PTPRF: variants seen among roughly 807,000 people sequenced by gnomAD.
PTPRF encodes receptor-type tyrosine-protein phosphatase F.
A neutral mutation model predicts 201.8 loss-of-function variants in PTPRF; 59 were observed. That is an observed-to-expected ratio of 0.29 (90% CI 0.24 to 0.36). The LOEUF (loss-of-function observed/expected upper bound fraction) is 0.36, where lower values mean the gene tolerates loss of function less well. PTPRF is among the 10% of genes least tolerant of loss of function. PTPRF has a pLI of 1.00. For missense variants in PTPRF, 2,132 were observed against 2,690.5 expected (o/e 0.79, Z 4.59); for synonymous variants, 1,088 against 1,089.7 (o/e 1.00, Z 0.03).
chr1:43,618,313 C>T (rs564814945), intron 25 of PTPRF, among the ~76,000 whole-genome samples: 12 of 152,198 alleles, frequency 7.9e-5, no homozygotes, highest in African/African-American at 2.4e-4. Context: ...TTGACTGGAA[C>T]GTAAAATTTA....
At chr1:43,565,579 G>A (rs564803826) in intron 5 of PTPRF, among the ~76,000 whole-genome samples, 1 of 152,222 alleles carries the variant, frequency 6.6e-6, no homozygotes. Context: ...TTCTCCTTCC[G>A]TCCAGGGCAC....
At chr1:43,594,480 G>A (rs1261568505) in intron 11 of PTPRF, among the ~76,000 whole-genome samples, 2 of 151,926 alleles carry the variant, frequency 1.3e-5, no homozygotes, top group Non-Finnish European at 2.9e-5. Context: ...GGGACACAGG[G>A]TAGGCAGGAG....
At chr1:43,523,774 T>C (rs1440424350), upstream of PTPRF, among the ~76,000 whole-genome samples, 4 of 151,832 alleles carry the variant, frequency 2.6e-5, no homozygotes, top group Non-Finnish European at 1.5e-5. Flanking sequence ...GGGCCGGGCA[T>C]GGTGGCTCAC....
chr1:43,585,593 G>A (rs1648928366), intron 7 of PTPRF, among the ~76,000 whole-genome samples: 2 of 152,068 alleles, frequency 1.3e-5, no homozygotes, highest in Admixed American at 1.3e-4. Context: ...ATCTAGGAGG[G>A]AAAAAATAAA....
intron 6 of PTPRF, among the ~76,000 whole-genome samples, chr1:43,573,149 C>T (rs1033248128): frequency 8.5e-5 from 13 of 152,130 alleles, no homozygotes; most frequent in Non-Finnish European, 1.6e-4. Context: ...CCAAAACCAC[C>T]TCCTGGAGAA....
At chr1:43,569,485 G>T in intron 5 of PTPRF, 105 bp from the exon 6 acceptor site, 1 of 1,169,578 alleles carries the variant, frequency 8.6e-7, no homozygotes, top group Non-Finnish European at 1.2e-6. Flanking sequence ...GGGGAGGGGA[G>T]TCTTGAGGGC....
intron 23 of PTPRF, among the ~76,000 whole-genome samples, chr1:43,614,703 T>C (rs1657299569): frequency 6.6e-6 from 1 of 152,066 alleles, no homozygotes; most frequent in Admixed American, 6.5e-5. Context: ...ATACAAAAAT[T>C]AGCCAGCTGT....
chr1:43,614,139 C>T (rs1418239720), intron 23 of PTPRF, among the ~76,000 whole-genome samples: 2 of 152,224 alleles, frequency 1.3e-5, no homozygotes, highest in African/African-American at 4.8e-5. Context: ...TTTTGGTTCC[C>T]CCACAGTCTT....
rs1245162611 is a variant in PTPRF, at chr1:43,546,205, C to T, written c.91+1039C>T. On this transcript the variant is annotated intron_variant, in intron 3 of 33. Coordinates refer to ENST00000359947, the MANE Select transcript of PTPRF (RefSeq NM_002840.5). This position sits in a 1 kb window ranked among gnomAD's most constrained non-coding sequence, Gnocchi z 4.2. ...TTCTCCTAATGGCTCATTAATTATT[C>T]AGGAACTGATTCTGGAGTGGGGTGG... Among the ~76,000 whole-genome samples the T allele has an allele frequency of 6.6e-6, 1 of 152,160 alleles. No individual in the cohort carries two copies. The highest frequency in any genetic ancestry group is 1.5e-5 in the Non-Finnish European group (1 of 68,026).
rs1644680940 is a variant in PTPRF at position 43,546,464 on chromosome 1, G to A, written c.91+1298G>A. Among the ~76,000 whole-genome samples, 1 of 152,172 alleles carries A rather than the reference G, an allele frequency of 6.6e-6. No homozygotes were observed. Among genetic ancestry groups the A allele is most frequent in the Non-Finnish European group, 1.5e-5 (1 of 68,014 alleles). ...CTGGAACCTGCAGGGGCAGGTTGGA[G>A]TAGAAAGCCTTATCAGGTGTGACCC... On this transcript the variant is annotated intron_variant, in intron 3 of 33. Coordinates refer to ENST00000359947, the MANE Select transcript of PTPRF (RefSeq NM_002840.5). This position sits in a 1 kb window ranked among gnomAD's most constrained non-coding sequence, Gnocchi z 4.2.
intron 23 of PTPRF, among the ~76,000 whole-genome samples, chr1:43,615,712 G>A (rs953334560): frequency 2.6e-5 from 4 of 151,694 alleles, no homozygotes; most frequent in African/African-American, 9.7e-5. Context: ...GACTACAGGT[G>A]CCCGCTACCA....
intron 30 of PTPRF, 115 bp downstream of exon 30, chr1:43,620,336 A>G (rs1658904279): frequency 1.3e-6 from 2 of 1,539,258 alleles, no homozygotes; most frequent in South Asian, 2.4e-5. Context: ...GCTTGTCAGC[A>G]TGGCCTCAGG....
At chr1:43,567,918 A>G (rs1646294564) in intron 5 of PTPRF, among the ~76,000 whole-genome samples, 1 of 152,164 alleles carries the variant, frequency 6.6e-6, no homozygotes, top group Admixed American at 6.5e-5. Context: ...CAGGAGACAG[A>G]CAAAGAACAC....
intron 7 of PTPRF, among the ~76,000 whole-genome samples, chr1:43,580,875 C>T (rs1463049214): frequency 1.3e-5 from 2 of 152,270 alleles, no homozygotes; most frequent in African/African-American, 4.8e-5. Flanking sequence ...AAACCCAAGC[C>T]AGCTGCAAGG....
Position 43,554,208 on chromosome 1 carries a change from G to T in PTPRF, c.379+267G>T, listed in dbSNP as rs1645207710. Among the ~76,000 whole-genome samples the T allele has an allele frequency of 6.6e-6, 1 of 152,204 alleles. No homozygotes were observed. Among genetic ancestry groups the T allele is most frequent in the South Asian group, 2.1e-4 (1 of 4,822 alleles). The stretch of plus-strand genomic sequence containing the variant: ...GTTGGTTGGGTGGGGTCTGGGGTCT[G>T]ACTTGAGGTGTGGAGCTGCAGCTGT... On this transcript the variant is annotated intron_variant, in intron 5 of 33. Coordinates refer to ENST00000359947, the MANE Select transcript of PTPRF (RefSeq NM_002840.5). This position sits in a 1 kb window ranked among gnomAD's most constrained non-coding sequence, Gnocchi z 4.1.
intron 25 of PTPRF, 119 bp from the exon 26 acceptor site, chr1:43,618,511 G>A (rs1658410737): frequency 3.0e-6 from 4 of 1,321,936 alleles, no homozygotes; most frequent in Admixed American, 4.1e-5. Flanking sequence ...TGAGAGCTCA[G>A]GGCTGGGGGG....
rs145623159 is a variant in PTPRF at position 43,597,653 on chromosome 1, T to C, written c.1814-95T>C. On this transcript the variant is annotated intron_variant, in intron 11 of 33. Transcript: ENST00000359947. ...CCATTTCAGCACCTAAGGGGTAGCC[T>C]GCCCGGGTGAGTCTCCAGTCCACTG... The C allele has an allele frequency of 2.0e-4, 186 of 952,318 alleles. 1 individual carries two copies. The African/African-American group carries it at 2.6e-3, about 13-fold the overall frequency. The allele number at this position is 952,318 out of a possible 1,614,324, so 59.0% of individuals were successfully genotyped here.
In PTPRF at chr1:43,602,120, C is replaced by T. The variant is rs143598132; in HGVS notation, c.2340+23C>T. 7.4e-3 allele frequency: 11,860 copies of T among 1,609,876 alleles called. 85 individuals are homozygous for T. Among genetic ancestry groups the T allele is most frequent in the South Asian group, 0.018 (1,660 of 90,978 alleles). On this transcript the variant is annotated intron_variant, in intron 14 of 33. Coordinates refer to ENST00000359947, the MANE Select transcript of PTPRF (RefSeq NM_002840.5). ...TATGTAAGTAACAGGTGTGCGAACG[C>T]GGACAAGACATGGGTCAAGCTGGGC...
At chr1:43,606,536 C>T in intron 20 of PTPRF, 78 bp downstream of exon 20, 1 of 1,372,424 alleles carries the variant, frequency 7.3e-7, no homozygotes. Flanking sequence ...TCAAACACCA[C>T]AAGACCCCAG....
Sources: gnomAD v4.1 joint callset for allele counts (sites outside exome capture counted in the v4.1 genomes callset) on GRCh38, gnomAD v4.1.1 for gene constraint, Gnocchi (gnomAD v3.1) non-coding constraint, MANE v1.5 for transcripts, NCBI Gene and HGNC (gene_info 2026-07-23, HGNC 2026-07-21) for gene names.